The following PIK3C2G variants were observed in gnomAD, a reference collection of about 807,000 sequenced individuals.
PIK3C2G encodes phosphatidylinositol-4-phosphate 3-kinase catalytic subunit type 2 gamma.
A neutral mutation model predicts 181.1 loss-of-function variants in PIK3C2G; 168 were observed. That is an observed-to-expected ratio of 0.93 (90% CI 0.82 to 1.05). PIK3C2G has a LOEUF of 1.05. Ranked by LOEUF, PIK3C2G falls within the 50% of genes least tolerant of loss-of-function variation. The pLI is 0.00. For synonymous variants in PIK3C2G, 573 were observed against 592.2 expected, an observed-to-expected ratio of 0.97 and a Z score of 0.47; for missense variants, 1,869 against 1,732.8, an observed-to-expected ratio of 1.08 and a Z score of -1.40.
chr12:18,306,421 G>C (rs12582982), intron 5 of PIK3C2G, among the ~76,000 whole-genome samples: 27,070 of 151,814 alleles, frequency 0.18, 2,759 homozygotes, highest in East Asian at 0.46. Context: ...TTTTCCTATT[G>C]GTAGCTCACT....
the PIK3C2G span, among the ~76,000 whole-genome samples, chr12:18,688,991 G>A: frequency 6.7e-6 from 1 of 149,886 alleles, no homozygotes; most frequent in South Asian, 2.1e-4. Flanking sequence ...AGGAGGGAGA[G>A]AAGGAGTAGA....
intron 24 of PIK3C2G, among the ~76,000 whole-genome samples, chr12:18,534,917 A>AT (rs1209696613): frequency 2.6e-5 from 4 of 152,062 alleles, no homozygotes; most frequent in African/African-American, 7.2e-5. Flanking sequence ...AGAAAAAAAA[A>AT]GTTAGGATTG....
intron 31 of PIK3C2G, among the ~76,000 whole-genome samples, chr12:18,619,421 A>G (rs1446585839): frequency 1.3e-5 from 2 of 152,118 alleles, no homozygotes; most frequent in African/African-American, 4.8e-5. Flanking sequence ...AAAGCTAAAG[A>G]TTTTAATCTC....
chr12:18,356,776 G>A (rs1040427684), intron 11 of PIK3C2G, among the ~76,000 whole-genome samples: 2 of 151,116 alleles, frequency 1.3e-5, no homozygotes, highest in Non-Finnish European at 2.9e-5. Flanking sequence ...CCCCTCTGAA[G>A]TCAAGCTGCT....
chr12:18,307,533 C>T (rs1950469656), intron 5 of PIK3C2G, among the ~76,000 whole-genome samples: 1 of 151,790 alleles, frequency 6.6e-6, no homozygotes, highest in Non-Finnish European at 1.5e-5. Flanking sequence ...ATGGATAATT[C>T]CTGTGCTCAT....
At chr12:18,528,593 A>T (rs1943373894) in intron 24 of PIK3C2G, among the ~76,000 whole-genome samples, 1 of 152,228 alleles carries the variant, frequency 6.6e-6, no homozygotes, top group South Asian at 2.1e-4. Flanking sequence ...CTCAAATAAA[A>T]TACTGGATAA....
chr12:18,625,740 T>A (rs111388358), intron 31 of PIK3C2G, among the ~76,000 whole-genome samples: 1 of 151,906 alleles, frequency 6.6e-6, no homozygotes, highest in Non-Finnish European at 1.5e-5. Context: ...TGCTATGCCC[T>A]CTTGATGAAT....
chr12:18,331,999 T>G (rs1184342670), intron 8 of PIK3C2G, among the ~76,000 whole-genome samples: 1 of 152,166 alleles, frequency 6.6e-6, no homozygotes, highest in Non-Finnish European at 1.5e-5. Flanking sequence ...TTACTAAGAA[T>G]TTATAATCTG....
At chr12:18,683,429 A>C in the PIK3C2G span, 1 of 1,452,738 alleles carries the variant, frequency 6.9e-7, no homozygotes, top group East Asian at 2.3e-5. Flanking sequence ...TACATTAAAA[A>C]CCATGACTAT....
chr12:18,672,578 T>A, the PIK3C2G span, among the ~76,000 whole-genome samples: 1 of 152,288 alleles, frequency 6.6e-6, no homozygotes, highest in East Asian at 1.9e-4. Context: ...CTCATCACAT[T>A]TGAATGAATA....
chr12:18,445,190 A>G (rs1946957945), intron 18 of PIK3C2G, among the ~76,000 whole-genome samples: 2 of 152,106 alleles, frequency 1.3e-5, no homozygotes, highest in African/African-American at 4.8e-5. Context: ...TTATATTAGG[A>G]AAATACTTTT....
chr12:18,319,708 A>C (rs1043356372), intron 6 of PIK3C2G, among the ~76,000 whole-genome samples: 1 of 152,206 alleles, frequency 6.6e-6, no homozygotes, highest in Non-Finnish European at 1.5e-5. Flanking sequence ...GAAAGAAGAC[A>C]AGTGCCAAAT....
At chr12:18,356,449 T>TG (rs1415368501) in intron 11 of PIK3C2G, among the ~76,000 whole-genome samples, 1 of 152,090 alleles carries the variant, frequency 6.6e-6, no homozygotes, top group Non-Finnish European at 1.5e-5. Context: ...TGGCAGCATC[T>TG]GGGGGGTACC....
At chr12:18,355,164 G>A (rs914478474) in intron 11 of PIK3C2G, among the ~76,000 whole-genome samples, 1 of 152,168 alleles carries the variant, frequency 6.6e-6, no homozygotes, top group Non-Finnish European at 1.5e-5. Flanking sequence ...GGATCCCTCA[G>A]ATCTGGTTTT....
intron 31 of PIK3C2G, among the ~76,000 whole-genome samples, chr12:18,632,368 T>G (rs1179353369): frequency 6.6e-6 from 1 of 152,172 alleles, no homozygotes; most frequent in Non-Finnish European, 1.5e-5. Context: ...GGCATTATTT[T>G]TATCCTCATT....
At chr12:18,667,731 T>C in the PIK3C2G span, among the ~76,000 whole-genome samples, 1 of 152,166 alleles carries the variant, frequency 6.6e-6, no homozygotes, top group Non-Finnish European at 1.5e-5. Flanking sequence ...TAAGCAATAG[T>C]ATTTCTATGT....
intron 12 of PIK3C2G, among the ~76,000 whole-genome samples, chr12:18,365,119 T>C (rs1941546657): frequency 6.6e-6 from 1 of 152,146 alleles, no homozygotes; most frequent in African/African-American, 2.4e-5. Context: ...CTTGGCCCAG[T>C]TCCCACAACC....
At chr12:18,368,191 T>A (rs1005012842) in intron 12 of PIK3C2G, among the ~76,000 whole-genome samples, 6 of 152,160 alleles carry the variant, frequency 3.9e-5, no homozygotes, top group African/African-American at 1.4e-4. Flanking sequence ...TTACATTTCA[T>A]CTGTCTACAA....
chr12:18,537,135 G>T (rs1943902886), intron 24 of PIK3C2G, among the ~76,000 whole-genome samples: 1 of 151,934 alleles, frequency 6.6e-6, no homozygotes, highest in African/African-American at 2.4e-5. Context: ...CTACTGAAAG[G>T]TCTCATTAAC....
Sources: gnomAD v4.1 joint callset for allele counts (sites outside exome capture counted in the v4.1 genomes callset) on GRCh38, gnomAD v4.1.1 for gene constraint, MANE v1.5 for transcripts, NCBI Gene and HGNC (gene_info 2026-07-23, HGNC 2026-07-21) for gene names.